PXDNL: variants seen among roughly 807,000 people sequenced by gnomAD.
PXDNL encodes the protein peroxidasin like, also known as probable oxidoreductase PXDNL.
Under a neutral mutation model 150.8 loss-of-function variants are expected in PXDNL, and 145 were observed. The observed-to-expected ratio is 0.96, with a 90% CI of 0.84 to 1.10. The LOEUF (loss-of-function observed/expected upper bound fraction) is 1.10. Among genes scored for constraint, PXDNL ranks in the 50% least tolerant of loss-of-function variants. The pLI, the probability that PXDNL is intolerant of heterozygous loss-of-function variation, is 0.00. For missense variants in PXDNL, 2,087 were observed against 1,873.9 expected (o/e 1.11, Z -2.10); for synonymous variants, 757 against 725.7 (o/e 1.04, Z -0.69).
intron 1 of PXDNL, among the ~76,000 whole-genome samples, chr8:51,742,310 T>C (rs2036915442): frequency 6.6e-6 from 1 of 152,220 alleles, no homozygotes; most frequent in South Asian, 2.1e-4. Flanking sequence ...TTATTTTGAC[T>C]GTGGCAGTGA....
At chr8:51,355,207 C>A (rs1379651810) in intron 19 of PXDNL, among the ~76,000 whole-genome samples, 1 of 152,134 alleles carries the variant, frequency 6.6e-6, no homozygotes, top group Non-Finnish European at 1.5e-5. Context: ...CATGAAAATA[C>A]TACAGTGTCA....
At chr8:51,644,607 C>T (rs536987401) in intron 2 of PXDNL, among the ~76,000 whole-genome samples, 1 of 94,902 alleles carries the variant, frequency 1.1e-5, no homozygotes, top group Non-Finnish European at 2.1e-5. Flanking sequence ...CTACAAGCTC[C>T]TGCCACCGCG....
intron 4 of PXDNL, among the ~76,000 whole-genome samples, chr8:51,510,975 A>G (rs2130344068): frequency 6.6e-6 from 1 of 152,334 alleles, no homozygotes; most frequent in South Asian, 2.1e-4. Context: ...AATGGAACAG[A>G]TCAAGGGATG....
chr8:51,350,958 G>A (rs2130718938), intron 19 of PXDNL, among the ~76,000 whole-genome samples: 2 of 152,198 alleles, frequency 1.3e-5, no homozygotes, highest in Middle Eastern at 3.4e-3. Context: ...AAGGAACTGA[G>A]TATATTAATA....
At chr8:51,726,756 T>C (rs1178313823) in intron 1 of PXDNL, among the ~76,000 whole-genome samples, 1 of 54,392 alleles carries the variant, frequency 1.8e-5, no homozygotes, top group Non-Finnish European at 3.8e-5. Context: ...TTTCATTACA[T>C]TGAGCCACTA....
chr8:51,764,024 T>G (rs981844659), intron 1 of PXDNL, among the ~76,000 whole-genome samples: 4 of 152,242 alleles, frequency 2.6e-5, no homozygotes, highest in Non-Finnish European at 4.4e-5. Flanking sequence ...TTTCTAATAC[T>G]TCTTAAGTCT....
chr8:51,432,141 A>G (rs1809263283), intron 12 of PXDNL, among the ~76,000 whole-genome samples: 1 of 152,144 alleles, frequency 6.6e-6, no homozygotes. Flanking sequence ...TTTATCTGGA[A>G]TTGATTTTGG....
chr8:51,794,998 G>A (rs2037547305), intron 1 of PXDNL, among the ~76,000 whole-genome samples: 1 of 152,026 alleles, frequency 6.6e-6, no homozygotes, highest in Non-Finnish European at 1.5e-5. Flanking sequence ...AAGCATCCTA[G>A]TTTCTGACAA....
intron 1 of PXDNL, among the ~76,000 whole-genome samples, chr8:51,694,531 C>A (rs1178153154): frequency 6.6e-6 from 1 of 152,188 alleles, no homozygotes; most frequent in African/African-American, 2.4e-5. Flanking sequence ...TGCCTTAAAT[C>A]TTGATTCGTA....
intron 2 of PXDNL, among the ~76,000 whole-genome samples, chr8:51,604,863 T>C (rs149336038): frequency 6.6e-6 from 1 of 151,826 alleles, no homozygotes; most frequent in Non-Finnish European, 1.5e-5. Context: ...AGAGTTTGTA[T>C]AGTATTAGGA....
Position 51,349,180 on chromosome 8 carries a change from T to G in PXDNL, c.3902-3233A>C, listed in dbSNP as rs995610940. ...GTGGGTGGGTGTGTGTGTGGGGGTG[T>G]GTGTGTGTGTGTGAATCTTCCCATT... On this transcript the variant is annotated intron_variant, in intron 19 of 22. Coordinates refer to ENST00000356297, the MANE Select transcript of PXDNL (RefSeq NM_144651.5). 1.4e-3 allele frequency among the ~76,000 whole-genome samples: 192 copies of G among 133,498 alleles called. 2 individuals carry two copies. The highest frequency in any genetic ancestry group is 6.0e-3 in the African/African-American group (186 of 30,966). The allele number at this position is 133,498 out of a possible 152,430, so 87.6% of individuals were successfully genotyped here. A position where few individuals can be genotyped will look rare whatever the true frequency, so the allele number is the denominator to read the frequency against.
At chr8:51,578,144 G>A (rs1406256022) in intron 3 of PXDNL, among the ~76,000 whole-genome samples, 1 of 145,528 alleles carries the variant, frequency 6.9e-6, no homozygotes, top group Non-Finnish European at 1.5e-5. Flanking sequence ...GAGTGAGAGA[G>A]AGAGAAAGAA....
At chr8:51,487,823 A>T (rs1414485650) in intron 5 of PXDNL, among the ~76,000 whole-genome samples, 1 of 152,224 alleles carries the variant, frequency 6.6e-6, no homozygotes, top group East Asian at 1.9e-4. Context: ...CATTGAAAAG[A>T]ACATTCCTAT....
At chr8:51,574,277 A>C (rs1813006115) in intron 3 of PXDNL, among the ~76,000 whole-genome samples, 1 of 152,070 alleles carries the variant, frequency 6.6e-6, no homozygotes, top group African/African-American at 2.4e-5. Flanking sequence ...GAAGTAAAAA[A>C]AACTCAATGT....
chr8:51,514,568 A>G (rs966647385), intron 4 of PXDNL, among the ~76,000 whole-genome samples: 1 of 152,186 alleles, frequency 6.6e-6, no homozygotes, highest in African/African-American at 2.4e-5. Flanking sequence ...GCATCTTCCA[A>G]TAGTACAATC....
At position 51,453,585 on chromosome 8, in the gene PXDNL, G is replaced by T. The variant is rs769388837; in HGVS notation, c.1183C>A (p.Arg395=). The change falls in exon 10 of 23, where the codon CGA becomes AGA. Residue 395 remains arginine, a synonymous_variant. Coordinates refer to ENST00000356297, the MANE Select transcript of PXDNL (RefSeq NM_144651.5). ...LQNITQRDHG[R]FTCHANNSHG... ...CTATTGTTGGCATGACAGGTAAATC[G>T]ACCATGATCCCGTTGTGTGATGTTC... is the stretch of plus-strand genomic sequence containing the variant. The T allele has an allele frequency of 4.3e-6, 7 of 1,613,964 alleles. No individual in the cohort carries two copies. The highest frequency in any genetic ancestry group is 3.4e-6 in the Non-Finnish European group (4 of 1,179,860).
At chr8:51,443,051 C>A (rs895970338) in intron 12 of PXDNL, among the ~76,000 whole-genome samples, 25 of 152,104 alleles carry the variant, frequency 1.6e-4, no homozygotes, top group African/African-American at 6.0e-4. Flanking sequence ...TACAGCCATG[C>A]CAGAGAGTCA....
chr8:51,625,941 T>C (rs7017902), intron 2 of PXDNL, among the ~76,000 whole-genome samples: 20,161 of 152,182 alleles, frequency 0.13, 1,872 homozygotes, highest in African/African-American at 0.24. Context: ...CTTTGAGCCT[T>C]CTCAAAATAA....
chr8:51,616,383 A>G (rs1474467078), intron 2 of PXDNL, among the ~76,000 whole-genome samples: 1 of 152,206 alleles, frequency 6.6e-6, no homozygotes, highest in Non-Finnish European at 1.5e-5. Flanking sequence ...CATACTCCCT[A>G]CAACTTACCT....
Sources: gnomAD v4.1 joint callset for allele counts (sites outside exome capture counted in the v4.1 genomes callset) on GRCh38, gnomAD v4.1.1 for gene constraint, MANE v1.5 for transcripts, NCBI Gene and HGNC (gene_info 2026-07-23, HGNC 2026-07-21) for gene names.